TAFA2: variants seen among roughly 807,000 people sequenced by gnomAD.
TAFA2 encodes TAFA chemokine like family member 2, also known as chemokine-like protein TAFA-2.
TAFA2 carries 7 observed loss-of-function variants against 18.8 expected under a neutral mutation model. That is an observed-to-expected ratio of 0.37 (90% CI 0.21 to 0.70). TAFA2 has a LOEUF of 0.70. TAFA2 is among the 30% of genes least tolerant of loss of function. The probability of loss-of-function intolerance (pLI) is 0.53; values close to 1 mark genes in which losing one functional copy is unlikely to be tolerated. For synonymous variants in TAFA2, 60 were observed against 54.2 expected, an observed-to-expected ratio of 1.11 and a Z score of -0.47; for missense variants, 122 against 158.1, an observed-to-expected ratio of 0.77 and a Z score of 1.23.
At chr12:62,183,668 A>G (rs1178671529) in intron 1 of TAFA2, among the ~76,000 whole-genome samples, 2 of 152,204 alleles carry the variant, frequency 1.3e-5, no homozygotes, top group African/African-American at 4.8e-5. Flanking sequence ...TACAAGCGTG[A>G]GTCACTGCAC....
chr12:62,011,138 G>A (rs1421139607), intron 1 of TAFA2, among the ~76,000 whole-genome samples: 2 of 149,424 alleles, frequency 1.3e-5, no homozygotes, highest in Middle Eastern at 3.6e-3. Context: ...GCCTCTGCCC[G>A]GCCGCCCCGT....
At chr12:61,720,006 T>C (rs1021190643) in intron 4 of TAFA2, among the ~76,000 whole-genome samples, 1 of 152,152 alleles carries the variant, frequency 6.6e-6, no homozygotes, top group African/African-American at 2.4e-5. Context: ...GCAACACAGA[T>C]GGCGATGTTT....
chr12:61,923,462 A>G (rs1201729046), intron 1 of TAFA2, among the ~76,000 whole-genome samples: 1 of 152,164 alleles, frequency 6.6e-6, no homozygotes, highest in Non-Finnish European at 1.5e-5. Flanking sequence ...TCTGGAGTGG[A>G]CCTCCAGCAA....
At chr12:62,033,497 G>A (rs532100001) in intron 1 of TAFA2, among the ~76,000 whole-genome samples, 3,630 of 152,236 alleles carry the variant, frequency 0.024, 142 homozygotes, top group African/African-American at 0.082. Flanking sequence ...TCACCAGTGA[G>A]AGTTAATGCC....
intron 1 of TAFA2, among the ~76,000 whole-genome samples, chr12:62,123,964 T>C (rs538905097): frequency 7.0e-4 from 106 of 152,222 alleles, no homozygotes; most frequent in Non-Finnish European, 1.2e-3. Context: ...AATATTCTCC[T>C]GTTTAAACTC....
intron 2 of TAFA2, chr12:61,776,351 C>T: frequency 5.9e-6 from 1 of 168,758 alleles, no homozygotes; most frequent in Non-Finnish European, 1.3e-5. Context: ...TTTGTGAGAA[C>T]CAACGGAAAG....
intron 1 of TAFA2, among the ~76,000 whole-genome samples, chr12:62,139,555 C>A (rs891972813): frequency 6.6e-6 from 1 of 152,144 alleles, no homozygotes; most frequent in African/African-American, 2.4e-5. Flanking sequence ...TAATTAATAC[C>A]TCTTCTCCTG....
At chr12:62,212,839 A>C (rs895511752) in intron 1 of TAFA2, among the ~76,000 whole-genome samples, 1 of 152,248 alleles carries the variant, frequency 6.6e-6, no homozygotes, top group African/African-American at 2.4e-5. Context: ...TGCATTAATG[A>C]GAGCAAAAAA....
intron 1 of TAFA2, among the ~76,000 whole-genome samples, chr12:61,953,407 G>A (rs1054281096): frequency 2.0e-5 from 3 of 152,038 alleles, no homozygotes; most frequent in African/African-American, 7.2e-5. Flanking sequence ...GATAATTGAG[G>A]AACTCAAAAA....
At chr12:62,035,249 G>A (rs1392518124) in intron 1 of TAFA2, among the ~76,000 whole-genome samples, 5 of 152,156 alleles carry the variant, frequency 3.3e-5, no homozygotes, top group Non-Finnish European at 5.9e-5. Flanking sequence ...CACTATGCTG[G>A]CCACTGAGGG....
intron 1 of TAFA2, among the ~76,000 whole-genome samples, chr12:61,954,158 C>T (rs1413209515): frequency 6.6e-6 from 1 of 152,234 alleles, no homozygotes; most frequent in Non-Finnish European, 1.5e-5. Context: ...TAGTGTTTAT[C>T]ATTTCACACT....
chr12:61,953,651 A>T (rs1362248048), intron 1 of TAFA2, among the ~76,000 whole-genome samples: 1 of 152,172 alleles, frequency 6.6e-6, no homozygotes, highest in Non-Finnish European at 1.5e-5. Context: ...TTATAGTAAC[A>T]CACAGGACAT....
At chr12:61,928,106 G>C (rs1172355537) in intron 1 of TAFA2, among the ~76,000 whole-genome samples, 9 of 152,176 alleles carry the variant, frequency 5.9e-5, no homozygotes, top group Non-Finnish European at 8.8e-5. Context: ...CATGGCCAAA[G>C]ACTTCATGAC....
At chr12:62,001,934 G>A (rs1880390495) in intron 1 of TAFA2, among the ~76,000 whole-genome samples, 4 of 152,104 alleles carry the variant, frequency 2.6e-5, no homozygotes, top group South Asian at 4.1e-4. Flanking sequence ...AATAAAACTT[G>A]GAATCAAAGA....
At chr12:62,205,137 C>A (rs2062686587) in intron 1 of TAFA2, among the ~76,000 whole-genome samples, 1 of 152,202 alleles carries the variant, frequency 6.6e-6, no homozygotes, top group African/African-American at 2.4e-5. Context: ...CACCTGGGTC[C>A]CTCCTGCACC....
At position 61,710,281 on chromosome 12, in the gene TAFA2, A is replaced by T; in HGVS notation, c.*125T>A. 2.4e-6 allele frequency: 2 copies of T among 837,908 alleles called. No homozygotes were observed. Among genetic ancestry groups the T allele is most frequent in the South Asian group, 3.0e-5 (2 of 67,150 alleles). 51.9% of individuals were successfully genotyped at this position (837,908 alleles called of 1,614,324 possible). A position where few individuals can be genotyped will look rare whatever the true frequency, so the allele number is the denominator to read the frequency against. The stretch of plus-strand genomic sequence containing the variant: ...AGAAGAGGCCATGAAATCCCTTGGA[A>T]ATAGACTATTGAGCGCCTCTTTCAA... On this transcript the variant is annotated 3_prime_UTR_variant, in exon 5 of 5. Transcript: ENST00000416284.
chr12:61,862,611 C>T (rs1052570955), intron 2 of TAFA2, among the ~76,000 whole-genome samples: 2 of 152,136 alleles, frequency 1.3e-5, no homozygotes, highest in African/African-American at 4.8e-5. Context: ...TCATCTTCTA[C>T]ATTTACTTGT....
chr12:61,798,132 T>C (rs914019045), intron 2 of TAFA2, among the ~76,000 whole-genome samples: 1 of 152,184 alleles, frequency 6.6e-6, no homozygotes, highest in Admixed American at 6.5e-5. Flanking sequence ...TTATGAACAA[T>C]GTATTCATAT....
chr12:62,156,291 A>G (rs1238207793), intron 1 of TAFA2, among the ~76,000 whole-genome samples: 4 of 152,172 alleles, frequency 2.6e-5, no homozygotes, highest in Admixed American at 2.6e-4. Context: ...AACATCTAAA[A>G]ACAGTAGATG....
Sources: gnomAD v4.1 joint callset for allele counts (sites outside exome capture counted in the v4.1 genomes callset) on GRCh38, gnomAD v4.1.1 for gene constraint, MANE v1.5 for transcripts, NCBI Gene and HGNC (gene_info 2026-07-23, HGNC 2026-07-21) for gene names.